The following SYNE2 variants were observed in gnomAD, a reference collection of about 807,000 sequenced individuals.
SYNE2 encodes spectrin repeat containing nuclear envelope protein 2, also known as nesprin-2.
Under a neutral mutation model 856.3 loss-of-function variants are expected in SYNE2, and 431 were observed. The observed-to-expected ratio is 0.50, with a 90% CI of 0.47 to 0.55. The LOEUF is 0.55. SYNE2 is among the 20% of genes least tolerant of loss of function. The probability of loss-of-function intolerance (pLI) is 0.00; values close to 1 mark genes in which losing one functional copy is unlikely to be tolerated. For synonymous variants in SYNE2, 2,923 were observed against 2,872.3 expected (o/e 1.02, Z -0.56); for missense variants, 8,129 against 8,023.2 (o/e 1.01, Z -0.50).
chr14:63,813,650 G>A (rs1888705017), intron 1 of SYNE2, among the ~76,000 whole-genome samples: 1 of 151,684 alleles, frequency 6.6e-6, no homozygotes, highest in East Asian at 1.9e-4. Context: ...TAGACTGGGT[G>A]TGGTGGCTCA....
chr14:63,988,305 TG>T (rs1442461982), intron 19 of SYNE2, among the ~76,000 whole-genome samples: 4 of 152,258 alleles, frequency 2.6e-5, no homozygotes, highest in Admixed American at 2.6e-4. Context: ...CTTGAACTCC[TG>T]GGCTCAAGTG....
chr14:63,973,945 C>T (rs1203341804), intron 11 of SYNE2, among the ~76,000 whole-genome samples: 2 of 152,058 alleles, frequency 1.3e-5, no homozygotes, highest in African/African-American at 4.8e-5. Context: ...GTTTAAAAAA[C>T]AATAGAACTC....
intron 57 of SYNE2, chr14:64,084,624 A>C (rs1031471080): frequency 4.1e-6 from 1 of 242,726 alleles, no homozygotes; most frequent in East Asian, 8.3e-5. Context: ...TTTGGAAATA[A>C]GTTTGGAAAT....
Position 63,792,601 on chromosome 14 carries a change from A to G in SYNE2, c.-305+30615A>G, listed in dbSNP as rs890196265. On this transcript the variant is annotated intron_variant, in intron 1 of 23. Coordinates refer to the SYNE2 transcript ENST00000674003. ...TAACTATATTTATATCAGATAAAAT[A>G]GACTTTAAGATTTTTTTAGAAGTTA... is the stretch of plus-strand genomic sequence containing the variant. 2.0e-5 allele frequency among the ~76,000 whole-genome samples: 3 copies of G among 152,172 alleles called. No individual in the cohort carries two copies. The South Asian group carries it at 6.2e-4, about 32-fold the overall frequency.
At chr14:63,919,971 A>ATTTTTTTTTTTTTTTTTTT (rs2095577326) in intron 2 of SYNE2, among the ~76,000 whole-genome samples, 1 of 94,582 alleles carries the variant, frequency 1.1e-5, no homozygotes, top group African/African-American at 7.1e-5. Context: ...ATAAAAGGTA[A>ATTTTTTTTTTTTTTTTTTT]GTTTTTTTTT....
At chr14:64,130,305 T>C in intron 76 of SYNE2, 57 bp downstream of exon 76, 1 of 1,423,522 alleles carries the variant, frequency 7.0e-7, no homozygotes, top group Non-Finnish European at 9.8e-7. Context: ...TTAAGGTATT[T>C]CTGAATGTGA....
chr14:64,226,157 T>C lies in SYNE2; in HGVS notation c.*631T>C, dbSNP rs1201953370. The C allele has an allele frequency of 6.5e-6, 1 of 153,468 alleles. No homozygotes were observed. The highest frequency in any genetic ancestry group is 2.4e-5 in the African/African-American group (1 of 41,464). The allele number at this position is 153,468 out of a possible 1,614,324, so 9.5% of individuals were successfully genotyped here. Reference sequence around the variant, plus strand: ...GCATATTTTTTAACAATGCCCAATCTGTATGAATAATGTAAACTTCGATTT... The same window carrying C: ...GCATATTTTTTAACAATGCCCAATCCGTATGAATAATGTAAACTTCGATTT... On this transcript the variant is annotated 3_prime_UTR_variant, in exon 116 of 116. Transcript: ENST00000555002.
chr14:64,153,998 C>T (rs2098266178), intron 85 of SYNE2, among the ~76,000 whole-genome samples: 1 of 152,060 alleles, frequency 6.6e-6, no homozygotes, highest in Non-Finnish European at 1.5e-5. Context: ...AGTTAGACCT[C>T]TGCATTCATA....
chr14:63,797,044 A>C (rs910127138), intron 1 of SYNE2, among the ~76,000 whole-genome samples: 2 of 148,762 alleles, frequency 1.3e-5, no homozygotes, highest in African/African-American at 5.0e-5. Flanking sequence ...GTGCCACTGC[A>C]CTCCAGCCTA....
intron 40 of SYNE2, 49 bp downstream of exon 40, chr14:64,025,080 C>T (rs954999666): frequency 6.2e-7 from 1 of 1,613,902 alleles, no homozygotes; most frequent in Non-Finnish European, 8.5e-7. Context: ...ATGGTTTCTT[C>T]CATGGTGTGG....
intron 61 of SYNE2, 25 bp downstream of exon 61, chr14:64,093,505 T>G (rs1003586569): frequency 5.1e-5 from 83 of 1,613,922 alleles, no homozygotes; most frequent in Non-Finnish European, 6.4e-5. Context: ...TTCATAAAGG[T>G]ATGTTTCATT....
intron 48 of SYNE2, among the ~76,000 whole-genome samples, chr14:64,054,015 T>C (rs1381751516): frequency 9.2e-5 from 14 of 152,196 alleles, no homozygotes; most frequent in Non-Finnish European, 2.9e-5. Context: ...AGTTAGTGCA[T>C]CTATTTTTAT....
intron 19 of SYNE2, among the ~76,000 whole-genome samples, chr14:63,989,970 A>G (rs1434937933): frequency 6.6e-6 from 1 of 152,092 alleles, no homozygotes; most frequent in Non-Finnish European, 1.5e-5. Flanking sequence ...TTTTATGGAT[A>G]ATGTCTTCTT....
chr14:64,029,987 C>T lies in SYNE2; in HGVS notation c.6807C>T (p.Ser2269=). 1 of 1,613,954 alleles carries T rather than the reference C, an allele frequency of 6.2e-7. No individual in the cohort carries two copies. The highest frequency in any genetic ancestry group is 8.5e-7 in the Non-Finnish European group (1 of 1,179,920). Residue 2269 remains serine (S), a synonymous_variant, in exon 44 of 116, where the codon TCC becomes TCT. Coordinates refer to ENST00000555002, the MANE Select transcript of SYNE2 (RefSeq NM_182914.3). ...TGAATACTACATTGGACAATTTCTC[C>T]AAGGAATTTGTCAGTTTTTCTGATA... ...TDLNTTLDNF[S]KEFVSFSDKP...
At position 63,990,570 on chromosome 14, in the gene SYNE2, G is replaced by A; in HGVS notation, c.2472+1G>A. On this transcript the variant is annotated splice_donor_variant, in intron 20 of 115. Coordinates refer to ENST00000555002, the MANE Select transcript of SYNE2 (RefSeq NM_182914.3). LOFTEE classifies it high-confidence loss of function. ...TCAAGAAGCTAAAGAGAAAGTCCAG[G>A]TCTCTCTTTAATATTCCCTATTTAG... 6.2e-7 allele frequency: 1 copy of A among 1,613,318 alleles called. No homozygotes were observed. Among genetic ancestry groups the A allele is most frequent in the Non-Finnish European group, 8.5e-7 (1 of 1,179,376 alleles).
At chr14:64,077,665 G>T (rs972857755) in intron 54 of SYNE2, among the ~76,000 whole-genome samples, 2 of 151,904 alleles carry the variant, frequency 1.3e-5, no homozygotes, top group East Asian at 3.8e-4. Context: ...CAAAACAAAG[G>T]ATTATACAAA....
At chr14:63,916,635 CATG>C (rs1289547919) in intron 2 of SYNE2, among the ~76,000 whole-genome samples, 2 of 152,132 alleles carry the variant, frequency 1.3e-5, no homozygotes, top group African/African-American at 4.8e-5. Flanking sequence ...AGGATGGAAA[CATG>C]ATTTCTTTAG....
At chr14:63,832,420 C>T (rs1889705592) in intron 1 of SYNE2, among the ~76,000 whole-genome samples, 1 of 152,020 alleles carries the variant, frequency 6.6e-6, no homozygotes, top group African/African-American at 2.4e-5. Context: ...GGATTACAGG[C>T]GTGAGCCACC....
At chr14:64,008,813 C>G (rs1186098802) in intron 31 of SYNE2, among the ~76,000 whole-genome samples, 1 of 152,172 alleles carries the variant, frequency 6.6e-6, no homozygotes, top group Non-Finnish European at 1.5e-5. Flanking sequence ...GCATGTGGTT[C>G]TGACACCACC....
Sources: allele counts gnomAD v4.1 joint callset (sites outside exome capture counted in the v4.1 genomes callset), GRCh38; gene constraint gnomAD v4.1.1; transcripts MANE v1.5; gene names NCBI Gene and HGNC (gene_info 2026-07-23, HGNC 2026-07-21).